The following AVL9 variants were observed in gnomAD, a reference collection of about 807,000 sequenced individuals.
The protein encoded by AVL9 is late secretory pathway protein AVL9 homolog.
AVL9 carries 49 observed loss-of-function variants against 79.2 expected under a neutral mutation model. The ratio of observed to expected loss-of-function variants is 0.62; its 90% CI spans 0.49 to 0.79. The LOEUF (loss-of-function observed/expected upper bound fraction) is 0.79. AVL9 is among the 30% of genes least tolerant of loss of function. The pLI, the probability that AVL9 is intolerant of heterozygous loss-of-function variation, is 0.00. For synonymous variants in AVL9, 299 were observed against 280.6 expected, an observed-to-expected ratio of 1.07 and a Z score of -0.65; for missense variants, 682 against 776.8, an observed-to-expected ratio of 0.88 and a Z score of 1.45.
intron 1 of AVL9, among the ~76,000 whole-genome samples, chr7:32,513,601 G>T (rs990942388): frequency 6.6e-6 from 1 of 152,232 alleles, no homozygotes; most frequent in Non-Finnish European, 1.5e-5. Flanking sequence ...TGTATTGGTG[G>T]ATGTATTGAA....
Position 32,548,887 on chromosome 7 carries a change from T to C in AVL9, c.341T>C (p.Val114Ala). Residue 114 changes from valine to alanine, a missense_variant, in exon 4 of 16, where the codon GTT (valine) becomes GCT (alanine). Transcript: ENST00000318709. ...CAAGCAGATATCACCAGAGAGACTG[T>C]TCAGAAAAGTGTCTGTGTTCTAAGC... is the stretch of plus-strand genomic sequence containing the variant. Reference protein sequence around the residue: ...VRQADITRETVQKSVCVLSKL... With the variant: ...VRQADITRETAQKSVCVLSKL... 2 of 1,577,940 alleles carry C rather than the reference T, an allele frequency of 1.3e-6. No individual in the cohort carries two copies. The highest frequency in any genetic ancestry group is 1.7e-6 in the Non-Finnish European group (2 of 1,163,298).
Position 32,583,795 on chromosome 7 carries a change from A to T in AVL9, c.1835A>T (p.Gln612Leu). 6.2e-7 allele frequency: 1 copy of T among 1,609,960 alleles called. No homozygotes were observed. The highest frequency in any genetic ancestry group is 1.3e-5 in the African/African-American group (1 of 74,906). ...TGTTTTTCTCCTCTCCATCCAGGCC[A>T]GTCAGTTGGAGGAGCTTTTTCCAGT... ...NVVQTGKAVG[Q>L]SVGGAFSSAK... The change falls in exon 16 of 16, where the codon CAG becomes CTG. Residue 612 changes from glutamine (Q) to leucine (L), a missense_variant. Physicochemically the swap from Gln to Leu is moderately radical, Grantham distance 113. Transcript: ENST00000318709.
intron 1 of AVL9, among the ~76,000 whole-genome samples, chr7:32,541,438 G>A (rs1181208838): frequency 1.3e-5 from 2 of 151,738 alleles, no homozygotes; most frequent in Non-Finnish European, 2.9e-5. Context: ...ATGGGACTTT[G>A]GTATTGATTA....
chr7:32,564,540 A>C (rs1489572995), intron 10 of AVL9, among the ~76,000 whole-genome samples: 3 of 152,200 alleles, frequency 2.0e-5, no homozygotes, highest in Non-Finnish European at 4.4e-5. Flanking sequence ...CATATGAATA[A>C]ATGGAAACAA....
chr7:32,503,365 TATATATATACACACACAC>T (rs1483258195), intron 1 of AVL9, among the ~76,000 whole-genome samples: 5 of 103,104 alleles, frequency 4.8e-5, no homozygotes, highest in African/African-American at 1.6e-4. Flanking sequence ...TAGAGAGATA[TATATATATACACACACAC>T]ACACACACAC....
intron 1 of AVL9, among the ~76,000 whole-genome samples, chr7:32,499,720 A>G (rs1787032105): frequency 6.6e-6 from 1 of 152,040 alleles, no homozygotes; most frequent in Non-Finnish European, 1.5e-5. Context: ...TGCATTAGGT[A>G]TTTGTCCTAA....
intron 9 of AVL9, 63 bp from the exon 10 acceptor site, chr7:32,558,866 A>G (rs1790200203): frequency 4.3e-6 from 6 of 1,396,878 alleles, no homozygotes; most frequent in Admixed American, 2.3e-5. Context: ...CTACTAATAT[A>G]TAGCTCTCAG....
intron 1 of AVL9, among the ~76,000 whole-genome samples, chr7:32,510,104 G>A (rs1048359702): frequency 3.6e-4 from 54 of 151,882 alleles, no homozygotes; most frequent in Non-Finnish European, 6.3e-4. Flanking sequence ...CATCTCTCTA[G>A]GGTGAGATAG....
chr7:32,499,317 T>G (rs1362319832), intron 1 of AVL9, among the ~76,000 whole-genome samples: 1 of 151,808 alleles, frequency 6.6e-6, no homozygotes, highest in East Asian at 1.9e-4. Flanking sequence ...ACTACCAAAA[T>G]TTTTTGCTAA....
chr7:32,572,249 T>C (rs527657234), intron 11 of AVL9, among the ~76,000 whole-genome samples: 1 of 151,356 alleles, frequency 6.6e-6, no homozygotes, highest in South Asian at 2.1e-4. Context: ...CTTGGGTGAA[T>C]GGTTATAATA....
intron 15 of AVL9, among the ~76,000 whole-genome samples, chr7:32,583,024 G>C (rs1791585401): frequency 6.6e-6 from 1 of 152,140 alleles, no homozygotes; most frequent in Admixed American, 6.5e-5. Context: ...AAACACAATA[G>C]ACCTGGGGCA....
chr7:32,542,385 C>CAAAAAAA (rs567774011), intron 1 of AVL9, among the ~76,000 whole-genome samples: 1 of 90,618 alleles, frequency 1.1e-5, no homozygotes, highest in Non-Finnish European at 2.4e-5. Flanking sequence ...AGTAAAAATA[C>CAAAAAAA]AAAAAAAAAA....
chr7:32,580,957 T>G, intron 15 of AVL9, 67 bp downstream of exon 15: 2 of 1,150,024 alleles, frequency 1.7e-6, no homozygotes, highest in Non-Finnish European at 2.6e-6. Context: ...CTTTAATATG[T>G]AATTGATAAA....
intron 3 of AVL9, among the ~76,000 whole-genome samples, chr7:32,547,617 G>A (rs1431462495): frequency 6.6e-6 from 1 of 152,180 alleles, no homozygotes; most frequent in Non-Finnish European, 1.5e-5. Flanking sequence ...CCACTCAGGA[G>A]TACATTAGAG....
At chr7:32,558,758 G>T in intron 9 of AVL9, 130 bp downstream of exon 9, 1 of 973,938 alleles carries the variant, frequency 1.0e-6, no homozygotes. Context: ...TCTTCCTTTT[G>T]GAAATAGGTT....
In AVL9 at chr7:32,581,027, T is replaced by G. The variant is rs912425214; in HGVS notation, c.1831+137T>G. 1.3e-5 allele frequency: 10 copies of G among 746,134 alleles called. No individual in the cohort carries two copies. In the African/African-American group the frequency reaches 1.8e-4, roughly 13 times the overall value. The allele number at this position is 746,134 out of a possible 1,614,324, so 46.2% of individuals were successfully genotyped here. A position where few individuals can be genotyped will look rare whatever the true frequency, so the allele number is the denominator to read the frequency against. ...ATAGTAATACAAGAGTTTTTTAAATTTTTGTCATATTCATTTGAAAAATTC... is the reference window on the plus strand; with the variant it reads ...ATAGTAATACAAGAGTTTTTTAAATGTTTGTCATATTCATTTGAAAAATTC... On this transcript the variant is annotated intron_variant, in intron 15 of 15. Coordinates refer to ENST00000318709, the MANE Select transcript of AVL9 (RefSeq NM_015060.3).
At chr7:32,579,450 A>G (rs1243600746) in intron 13 of AVL9, among the ~76,000 whole-genome samples, 63 of 3,030 alleles carry the variant, frequency 0.021, 17 homozygotes, top group African/African-American at 0.077. Context: ...TATATAATAT[A>G]TTATATATTA....
intron 3 of AVL9, among the ~76,000 whole-genome samples, chr7:32,545,631 A>G (rs1024954790): frequency 6.6e-6 from 1 of 152,104 alleles, no homozygotes; most frequent in Non-Finnish European, 1.5e-5. Context: ...CAGCCTCTGC[A>G]GGCATGAGCC....
At chr7:32,581,918 T>A (rs1371707509) in intron 15 of AVL9, among the ~76,000 whole-genome samples, 1 of 152,194 alleles carries the variant, frequency 6.6e-6, no homozygotes, top group African/African-American at 2.4e-5. Flanking sequence ...TGTCAAATGT[T>A]TAAGGAAGAA....
Sources: allele counts gnomAD v4.1 joint callset (sites outside exome capture counted in the v4.1 genomes callset), GRCh38; gene constraint gnomAD v4.1.1; transcripts MANE v1.5; gene names NCBI Gene and HGNC (gene_info 2026-07-23, HGNC 2026-07-21).